The following SEMA3A variants were observed in gnomAD, a reference collection of about 807,000 sequenced individuals.
SEMA3A encodes semaphorin-3A.
SEMA3A carries 29 observed loss-of-function variants against 97.9 expected under a neutral mutation model. The observed-to-expected ratio is 0.30, with a 90% CI of 0.22 to 0.40. The LOEUF is 0.40. Ranked by LOEUF, SEMA3A falls within the 10% of genes least tolerant of loss-of-function variation. The pLI, the probability that SEMA3A is intolerant of heterozygous loss-of-function variation, is 1.00. For synonymous variants in SEMA3A, 321 were observed against 323.7 expected, an observed-to-expected ratio of 0.99 and a Z score of 0.09; for missense variants, 763 against 951.3, an observed-to-expected ratio of 0.80 and a Z score of 2.60.
chr7:84,241,635 G>C (rs962382794), intron 3 of SEMA3A, among the ~76,000 whole-genome samples: 1 of 152,080 alleles, frequency 6.6e-6, no homozygotes, highest in Non-Finnish European at 1.5e-5. Context: ...AGTTTAATTA[G>C]ATCCCATTTG....
intron 1 of SEMA3A, among the ~76,000 whole-genome samples, chr7:84,490,770 C>T (rs1584361025): frequency 1.3e-5 from 2 of 152,150 alleles, no homozygotes; most frequent in Admixed American, 1.3e-4. Context: ...CCTTTGAAAT[C>T]AGCTTCCTAT....
intron 3 of SEMA3A, among the ~76,000 whole-genome samples, chr7:84,225,855 G>A (rs1019231913): frequency 6.6e-6 from 1 of 152,104 alleles, no homozygotes; most frequent in Non-Finnish European, 1.5e-5. Context: ...ATAACGTGCT[G>A]TCTACTTTAC....
intron 1 of SEMA3A, among the ~76,000 whole-genome samples, chr7:84,478,083 G>A (rs1806347634): frequency 6.6e-6 from 1 of 152,082 alleles, no homozygotes; most frequent in Admixed American, 6.6e-5. Context: ...TTTCACATTC[G>A]TTAAAATATA....
At chr7:83,966,245 A>C (rs1372514861) in intron 15 of SEMA3A, among the ~76,000 whole-genome samples, 1 of 152,144 alleles carries the variant, frequency 6.6e-6, no homozygotes, top group Admixed American at 6.5e-5. Context: ...TTCATAGTGG[A>C]ATCTAGACTA....
intron 1 of SEMA3A, among the ~76,000 whole-genome samples, chr7:84,378,303 C>A (rs1030401655): frequency 2.6e-5 from 4 of 151,980 alleles, no homozygotes; most frequent in African/African-American, 9.7e-5. Flanking sequence ...AGACTTGGAA[C>A]CAACCCAAAT....
chr7:84,427,437 A>C (rs1804855739), intron 1 of SEMA3A, among the ~76,000 whole-genome samples: 1 of 151,884 alleles, frequency 6.6e-6, no homozygotes, highest in Non-Finnish European at 1.5e-5. Context: ...TCACAATGTC[A>C]GGAGTTTGAG....
At chr7:84,251,378 T>A (rs1799605200) in intron 3 of SEMA3A, among the ~76,000 whole-genome samples, 1 of 152,168 alleles carries the variant, frequency 6.6e-6, no homozygotes, top group Non-Finnish European at 1.5e-5. Context: ...TTTACATGAT[T>A]GTTAGCCAAG....
intron 3 of SEMA3A, among the ~76,000 whole-genome samples, chr7:84,283,269 C>T (rs1056339506): frequency 2.0e-5 from 3 of 151,942 alleles, no homozygotes; most frequent in African/African-American, 7.3e-5. Context: ...AACCATTTCC[C>T]GAATGCATGG....
chr7:83,985,577 C>G (rs1584506696), intron 12 of SEMA3A, 100 bp from the exon 13 acceptor site: 2 of 899,244 alleles, frequency 2.2e-6, no homozygotes, highest in East Asian at 4.9e-5. Context: ...CAGAGAGAAA[C>G]TTCAGTGTCC....
chr7:84,365,912 A>G (rs976799630), intron 2 of SEMA3A, among the ~76,000 whole-genome samples: 9 of 151,424 alleles, frequency 5.9e-5, no homozygotes, highest in African/African-American at 2.2e-4. Flanking sequence ...AAGTTAAATT[A>G]TAACATTTAA....
intron 1 of SEMA3A, among the ~76,000 whole-genome samples, chr7:84,186,523 T>C (rs1797892476): frequency 6.6e-6 from 1 of 152,184 alleles, no homozygotes; most frequent in African/African-American, 2.4e-5. Context: ...TTCTGACCCA[T>C]ATTATGAAGA....
intron 1 of SEMA3A, among the ~76,000 whole-genome samples, chr7:84,153,249 C>T (rs1796734701): frequency 6.6e-6 from 1 of 152,036 alleles, no homozygotes; most frequent in African/African-American, 2.4e-5. Flanking sequence ...GCAAAAGTAC[C>T]AATTATCAAC....
chr7:84,017,023 C>T (rs1791131413), intron 6 of SEMA3A, among the ~76,000 whole-genome samples: 1 of 152,238 alleles, frequency 6.6e-6, no homozygotes, highest in East Asian at 1.9e-4. Context: ...ATTCAGTTGC[C>T]TTTTATTAGA....
At chr7:84,402,554 T>C (rs907105034) in intron 1 of SEMA3A, among the ~76,000 whole-genome samples, 2 of 152,206 alleles carry the variant, frequency 1.3e-5, no homozygotes, top group East Asian at 1.9e-4. Context: ...CCCATGTTTA[T>C]TGCAGCACTA....
At chr7:84,335,018 G>A (rs1035753506) in intron 2 of SEMA3A, among the ~76,000 whole-genome samples, 2 of 151,956 alleles carry the variant, frequency 1.3e-5, no homozygotes, top group Non-Finnish European at 2.9e-5. Flanking sequence ...CTAACATGCT[G>A]TATATATTTT....
chr7:84,280,998 C>A (rs561440463), intron 3 of SEMA3A, among the ~76,000 whole-genome samples: 2 of 152,176 alleles, frequency 1.3e-5, no homozygotes, highest in East Asian at 3.9e-4. Context: ...TTGCCCTTTT[C>A]TTTAATGCCA....
At chr7:84,160,996 C>T (rs1797013828) in intron 1 of SEMA3A, among the ~76,000 whole-genome samples, 1 of 152,186 alleles carries the variant, frequency 6.6e-6, no homozygotes, top group African/African-American at 2.4e-5. Context: ...TGAGCCTCAA[C>T]AGGCATGGTC....
intron 3 of SEMA3A, among the ~76,000 whole-genome samples, chr7:84,128,167 T>C (rs971925489): frequency 6.6e-6 from 1 of 152,132 alleles, no homozygotes; most frequent in Non-Finnish European, 1.5e-5. Context: ...TTACTATTCA[T>C]CTTTCACTCC....
intron 15 of SEMA3A, among the ~76,000 whole-genome samples, chr7:83,967,222 AAAT>A (rs1788731826): frequency 1.3e-5 from 2 of 152,272 alleles, no homozygotes; most frequent in South Asian, 4.1e-4. Flanking sequence ...CAATATTTTA[AAAT>A]AATAATTAGA....
Sources: allele counts gnomAD v4.1 joint callset (sites outside exome capture counted in the v4.1 genomes callset), GRCh38; gene constraint gnomAD v4.1.1; transcripts MANE v1.5; gene names NCBI Gene and HGNC (gene_info 2026-07-23, HGNC 2026-07-21).